NCK1: variants seen among roughly 807,000 people sequenced by gnomAD.
NCK1 encodes the protein SH2/SH3 adapter protein NCK1.
A neutral mutation model predicts 36.6 loss-of-function variants in NCK1; 19 were observed. The ratio of observed to expected loss-of-function variants is 0.52; its 90% CI spans 0.36 to 0.76. The LOEUF (loss-of-function observed/expected upper bound fraction) is 0.76. Ranked by LOEUF, NCK1 falls within the 30% of genes least tolerant of loss-of-function variation. The pLI is 0.00. For missense variants in NCK1, 358 were observed against 445.6 expected (o/e 0.80, Z 1.77); for synonymous variants, 165 against 156.0 (o/e 1.06, Z -0.43).
At chr3:136,868,440 G>A (rs1282598037) in intron 1 of NCK1, among the ~76,000 whole-genome samples, 3 of 151,724 alleles carry the variant, frequency 2.0e-5, no homozygotes, top group African/African-American at 7.3e-5. Flanking sequence ...GGATTCTCCT[G>A]CCTCAGCCTC....
intron 1 of NCK1, among the ~76,000 whole-genome samples, chr3:136,910,693 T>C (rs1939810248): frequency 6.6e-6 from 1 of 152,236 alleles, no homozygotes; most frequent in Non-Finnish European, 1.5e-5. Flanking sequence ...TGGGGTACAA[T>C]GGGATGTTCT....
chr3:136,908,875 C>T (rs1939762216), intron 1 of NCK1, among the ~76,000 whole-genome samples: 2 of 152,242 alleles, frequency 1.3e-5, no homozygotes, highest in East Asian at 1.9e-4. Flanking sequence ...ATGTGTACCC[C>T]AAAGTTAATG....
At chr3:136,869,959 A>G (rs1399540383) in intron 1 of NCK1, among the ~76,000 whole-genome samples, 2 of 152,018 alleles carry the variant, frequency 1.3e-5, no homozygotes, top group Admixed American at 1.3e-4. Context: ...TTTTGTTCAA[A>G]CAGCCAGTTG....
At chr3:136,926,747 A>G (rs1038563407) in intron 1 of NCK1, among the ~76,000 whole-genome samples, 5 of 152,128 alleles carry the variant, frequency 3.3e-5, no homozygotes, top group Non-Finnish European at 7.3e-5. Context: ...AAGTTTCCAA[A>G]CGTGGTATTT....
chr3:136,917,155 TA>T (rs1447417502), intron 1 of NCK1, among the ~76,000 whole-genome samples: 2 of 152,284 alleles, frequency 1.3e-5, no homozygotes, highest in Non-Finnish European at 2.9e-5. Context: ...TTGTCCATCC[TA>T]TGGGCTGCAT....
chr3:136,908,603 T>G (rs1482931583), intron 1 of NCK1, among the ~76,000 whole-genome samples: 1 of 152,214 alleles, frequency 6.6e-6, no homozygotes, highest in Non-Finnish European at 1.5e-5. Flanking sequence ...AGGGATAGGT[T>G]GTCCCACCTG....
At chr3:136,936,109 C>T (rs752466994) in intron 2 of NCK1, among the ~76,000 whole-genome samples, 14 of 149,942 alleles carry the variant, frequency 9.3e-5, no homozygotes, top group African/African-American at 3.2e-4. Flanking sequence ...GACGTGATCT[C>T]AGCTCACTGC....
intron 2 of NCK1, among the ~76,000 whole-genome samples, chr3:136,943,082 C>G (rs1483766499): frequency 2.0e-5 from 3 of 152,084 alleles, no homozygotes; most frequent in Admixed American, 6.5e-5. Context: ...CGATAGCACT[C>G]TCTTTACCAC....
At chr3:136,917,895 T>C (rs1264936126) in intron 1 of NCK1, among the ~76,000 whole-genome samples, 2 of 152,202 alleles carry the variant, frequency 1.3e-5, no homozygotes, top group Non-Finnish European at 2.9e-5. Context: ...TCACCCTTTG[T>C]GAGGAGAATA....
intron 1 of NCK1, among the ~76,000 whole-genome samples, chr3:136,921,751 T>C (rs1390953337): frequency 6.6e-6 from 1 of 152,144 alleles, no homozygotes; most frequent in Middle Eastern, 3.2e-3. Flanking sequence ...TTGAGTATGC[T>C]AAGGGAAAGA....
intron 2 of NCK1, chr3:136,930,355 T>G: frequency 3.5e-6 from 3 of 865,382 alleles, no homozygotes; most frequent in Non-Finnish European, 3.0e-6. Flanking sequence ...GATTATTTAC[T>G]TGTTATACAG....
intron 1 of NCK1, among the ~76,000 whole-genome samples, chr3:136,870,240 G>A (rs1420723806): frequency 6.6e-6 from 1 of 151,532 alleles, no homozygotes; most frequent in African/African-American, 2.4e-5. Flanking sequence ...TACTTGGGAG[G>A]CTGCTGCAGG....
At chr3:136,894,043 C>A (rs901523795) in intron 1 of NCK1, among the ~76,000 whole-genome samples, 1 of 152,176 alleles carries the variant, frequency 6.6e-6, no homozygotes, top group Non-Finnish European at 1.5e-5. Context: ...GCATTCCAGA[C>A]AGATTGCTCC....
intron 1 of NCK1, among the ~76,000 whole-genome samples, chr3:136,874,280 A>T (rs1282534596): frequency 6.6e-6 from 1 of 152,104 alleles, no homozygotes; most frequent in African/African-American, 2.4e-5. Flanking sequence ...GGTTCAAGTG[A>T]TTGTCCTGCC....
intron 1 of NCK1, 75 bp from the exon 2 acceptor site, chr3:136,927,909 G>A (rs1189768901): frequency 2.0e-6 from 2 of 1,017,854 alleles, no homozygotes; most frequent in South Asian, 1.6e-5. Context: ...AGATTTTTAG[G>A]TGTGTCTCTT....
At chr3:136,868,947 T>G (rs959810310) in intron 1 of NCK1, among the ~76,000 whole-genome samples, 13 of 152,114 alleles carry the variant, frequency 8.5e-5, no homozygotes, top group African/African-American at 3.1e-4. Flanking sequence ...AGACAAAATA[T>G]CTTGTTGAGG....
intron 1 of NCK1, among the ~76,000 whole-genome samples, chr3:136,876,596 CTT>C (rs1455540967): frequency 6.6e-6 from 1 of 151,516 alleles, no homozygotes; most frequent in Non-Finnish European, 1.5e-5. Flanking sequence ...AACCAAAAAA[CTT>C]TGCCTATTTT....
In NCK1 at chr3:136,912,188, A is replaced by G. The variant is rs1467253657; in HGVS notation, c.-18-15796A>G. Among the ~76,000 whole-genome samples, 9 of 127,660 alleles carry G rather than the reference A, an allele frequency of 7.0e-5. No homozygotes were observed. The East Asian group carries it at 1.8e-3, about 26-fold the overall frequency. 83.7% of individuals were successfully genotyped at this position (127,660 alleles called of 152,430 possible). A position where few individuals can be genotyped will look rare whatever the true frequency, so the allele number is the denominator to read the frequency against. Reference sequence around the variant, plus strand: ...TTTTTTTTTTTTTTTTTTGAGACCGAGTCTCGCTCTGTCACCCAGGCTGGA... The same window carrying G: ...TTTTTTTTTTTTTTTTTTGAGACCGGGTCTCGCTCTGTCACCCAGGCTGGA... On this transcript the variant is annotated intron_variant, in intron 1 of 3. Coordinates refer to ENST00000481752, the MANE Select transcript of NCK1 (RefSeq NM_001291999.2).
chr3:136,907,999 T>A (rs529317150), intron 1 of NCK1, among the ~76,000 whole-genome samples: 1 of 152,204 alleles, frequency 6.6e-6, no homozygotes, highest in South Asian at 2.1e-4. Context: ...TTACTCTCTT[T>A]GGGAATATTT....
Sources: allele counts gnomAD v4.1 joint callset (sites outside exome capture counted in the v4.1 genomes callset), GRCh38; gene constraint gnomAD v4.1.1; transcripts MANE v1.5; gene names NCBI Gene and HGNC (gene_info 2026-07-23, HGNC 2026-07-21).